The following SCHIP1 variants were observed in gnomAD, a reference collection of about 807,000 sequenced individuals.
SCHIP1 encodes the protein schwannomin interacting protein 1, also known as schwannomin-interacting protein 1.
SCHIP1 carries 8 observed loss-of-function variants against 29.7 expected under a neutral mutation model. The observed-to-expected ratio is 0.27, with a 90% CI of 0.16 to 0.49. The LOEUF (loss-of-function observed/expected upper bound fraction) is 0.49. Ranked by LOEUF, SCHIP1 falls within the 20% of genes least tolerant of loss-of-function variation. SCHIP1 has a pLI of 0.99. For synonymous variants in SCHIP1, 76 were observed against 94.9 expected, an observed-to-expected ratio of 0.80 and a Z score of 1.16; for missense variants, 193 against 294.6, an observed-to-expected ratio of 0.66 and a Z score of 2.52.
chr3:159,692,013 CTTTTTTTTTTTT>C, the SCHIP1 span, among the ~76,000 whole-genome samples: 8 of 90,942 alleles, frequency 8.8e-5, no homozygotes, highest in Non-Finnish European at 1.5e-4. Flanking sequence ...CCCGACCTTT[CTTTTTTTTTTTT>C]TTTTTTTTTT....
chr3:159,301,409 C>G, the SCHIP1 span, among the ~76,000 whole-genome samples: 1 of 152,046 alleles, frequency 6.6e-6, no homozygotes, highest in Non-Finnish European at 1.5e-5. Flanking sequence ...TCCTGTGGCT[C>G]CTGGAACATG....
chr3:159,680,375 G>A, the SCHIP1 span, among the ~76,000 whole-genome samples: 8 of 149,232 alleles, frequency 5.4e-5, no homozygotes, highest in African/African-American at 1.2e-4. Flanking sequence ...TGGGTGTGGC[G>A]GGGTGTGCCT....
chr3:159,379,800 C>T, the SCHIP1 span, among the ~76,000 whole-genome samples: 3 of 152,106 alleles, frequency 2.0e-5, no homozygotes, highest in Non-Finnish European at 4.4e-5. Flanking sequence ...AAAAGAAGGT[C>T]AGTGCCTTCA....
chr3:159,446,432 A>G, the SCHIP1 span, among the ~76,000 whole-genome samples: 56 of 152,278 alleles, frequency 3.7e-4, no homozygotes, highest in Admixed American at 9.2e-4. Flanking sequence ...CAATACAGCA[A>G]TACAATATTG....
the SCHIP1 span, among the ~76,000 whole-genome samples, chr3:159,733,766 T>A: frequency 6.6e-6 from 1 of 152,222 alleles, no homozygotes; most frequent in Admixed American, 6.5e-5. Flanking sequence ...TTTTGTTTTA[T>A]CACGAGGGAT....
the SCHIP1 span, among the ~76,000 whole-genome samples, chr3:159,616,807 G>A: frequency 1.0e-3 from 153 of 152,194 alleles, no homozygotes; most frequent in Non-Finnish European, 1.9e-3. Context: ...CCTGGATTCA[G>A]GCTAATGGAA....
chr3:159,368,089 C>T, the SCHIP1 span, among the ~76,000 whole-genome samples: 2 of 152,160 alleles, frequency 1.3e-5, no homozygotes, highest in Non-Finnish European at 2.9e-5. Context: ...TTTTTCCTGT[C>T]TTGAGTCCTC....
the SCHIP1 span, among the ~76,000 whole-genome samples, chr3:159,769,664 C>T: frequency 2.6e-5 from 4 of 152,228 alleles, no homozygotes; most frequent in South Asian, 2.1e-4. Flanking sequence ...GCAGGAGAAT[C>T]GCTTAAACCC....
the SCHIP1 span, among the ~76,000 whole-genome samples, chr3:159,501,424 T>C: frequency 6.6e-6 from 1 of 152,214 alleles, no homozygotes; most frequent in Non-Finnish European, 1.5e-5. Context: ...CAAATTTACA[T>C]TTTATTGCTG....
At chr3:159,776,699 G>A in the SCHIP1 span, among the ~76,000 whole-genome samples, 1 of 152,138 alleles carries the variant, frequency 6.6e-6, no homozygotes, top group Middle Eastern at 3.2e-3. Context: ...TATTTTTCTT[G>A]TGTCTCATAT....
At chr3:159,487,183 G>A in the SCHIP1 span, among the ~76,000 whole-genome samples, 2 of 152,156 alleles carry the variant, frequency 1.3e-5, no homozygotes, top group Non-Finnish European at 2.9e-5. Flanking sequence ...AGGGAATGTG[G>A]GTGTGCAATT....
At chr3:159,667,127 G>T in the SCHIP1 span, among the ~76,000 whole-genome samples, 14,479 of 152,250 alleles carry the variant, frequency 0.095, 1,602 homozygotes, top group African/African-American at 0.27. Context: ...GGATAGTAGA[G>T]GGGGAGTGAG....
the SCHIP1 span, among the ~76,000 whole-genome samples, chr3:159,700,344 G>A: frequency 6.6e-6 from 1 of 152,114 alleles, no homozygotes; most frequent in Non-Finnish European, 1.5e-5. Flanking sequence ...GCAAATTAAT[G>A]GCATGAAATA....
intron 5 of SCHIP1, among the ~76,000 whole-genome samples, 174 bp from the exon 7 acceptor site, chr3:159,891,923 C>T (rs752083220): frequency 1.3e-5 from 2 of 152,200 alleles, no homozygotes; most frequent in South Asian, 4.1e-4. Flanking sequence ...TCTTCCCACA[C>T]CTCTATAATT....
the SCHIP1 span, among the ~76,000 whole-genome samples, chr3:159,586,756 C>G: frequency 3.3e-5 from 5 of 152,154 alleles, no homozygotes; most frequent in South Asian, 8.3e-4. Flanking sequence ...TCTGCAGACC[C>G]CATGGCTGCT....
chr3:159,300,113 C>CTTTTTTTTTTTTTTTTTTTTTTTTT, the SCHIP1 span, among the ~76,000 whole-genome samples: 1 of 45,380 alleles, frequency 2.2e-5, no homozygotes, highest in Non-Finnish European at 4.0e-5. Flanking sequence ...GGGAAAGCTG[C>CTTTTTTTTTTTTTTTTTTTTTTTTT]TTTTTTTTTT....
the SCHIP1 span, among the ~76,000 whole-genome samples, chr3:159,673,708 G>A: frequency 6.6e-6 from 1 of 152,178 alleles, no homozygotes; most frequent in Non-Finnish European, 1.5e-5. Context: ...CTTTGTCAGA[G>A]GGGAGAGCTG....
chr3:159,381,208 G>A, the SCHIP1 span, among the ~76,000 whole-genome samples: 7 of 152,130 alleles, frequency 4.6e-5, no homozygotes, highest in Non-Finnish European at 1.0e-4. Context: ...CTTGAAACAC[G>A]AGGTAGACAT....
the SCHIP1 span, among the ~76,000 whole-genome samples, chr3:159,464,793 G>A: frequency 6.6e-6 from 1 of 152,048 alleles, no homozygotes; most frequent in Non-Finnish European, 1.5e-5. Flanking sequence ...TTGCTTTGCC[G>A]CATGCTCATA....
Sources: gnomAD v4.1 joint callset for allele counts (sites outside exome capture counted in the v4.1 genomes callset) on GRCh38, gnomAD v4.1.1 for gene constraint, MANE v1.5 for transcripts, NCBI Gene and HGNC (gene_info 2026-07-23, HGNC 2026-07-21) for gene names.